The following FREM2 variants were observed in gnomAD, a reference collection of about 807,000 sequenced individuals.
The protein encoded by FREM2 is FRAS1-related extracellular matrix protein 2.
A neutral mutation model predicts 219.9 loss-of-function variants in FREM2; 119 were observed. That is an observed-to-expected ratio of 0.54 (90% confidence interval 0.47 to 0.63). FREM2 has a LOEUF of 0.63. FREM2 is among the 30% of genes least tolerant of loss of function. The probability of loss-of-function intolerance (pLI) is 0.00; values close to 1 mark genes in which losing one functional copy is unlikely to be tolerated. For missense variants in FREM2, 4,030 were observed against 3,993.6 expected, an observed-to-expected ratio of 1.01 and a Z score of -0.25; for synonymous variants, 1,562 against 1,522.8, an observed-to-expected ratio of 1.03 and a Z score of -0.60.
intron 6 of FREM2, among the ~76,000 whole-genome samples, chr13:38,796,014 C>CT (rs996149937): frequency 1.1e-4 from 17 of 150,368 alleles, no homozygotes; most frequent in Admixed American, 6.6e-5. Flanking sequence ...TTCTTTCTTT[C>CT]TTTTTTTGTC....
In FREM2 at chr13:38,857,898, A is replaced by G. The variant is rs1566168969; in HGVS notation, c.7080A>G (p.Ile2360Met). 6 of 1,613,670 alleles carry G rather than the reference A, an allele frequency of 3.7e-6. No individual in the cohort carries two copies. Among genetic ancestry groups the G allele is most frequent in the Admixed American group, 1.7e-5 (1 of 60,002 alleles). Residue 2360 changes from isoleucine to methionine, a missense_variant, in exon 13 of 24, where the codon ATA (isoleucine) becomes ATG (methionine). Physicochemically the swap from Ile to Met is conservative, Grantham distance 10. Coordinates refer to ENST00000280481, the MANE Select transcript of FREM2 (RefSeq NM_207361.6). ...AGTTGACGAAAGCCATTGTGTACATAGAAGAAATGAGCAGCATGGCAGATG... is the reference window on the plus strand; with the variant it reads ...AGTTGACGAAAGCCATTGTGTACATGGAAGAAATGAGCAGCATGGCAGATG... ...EMQLTKAIVY[I>M]EEMSSMADVT...
At chr13:38,755,054 C>A (rs890572799) in intron 2 of FREM2, among the ~76,000 whole-genome samples, 9 of 151,830 alleles carry the variant, frequency 5.9e-5, no homozygotes, top group African/African-American at 2.2e-4. Flanking sequence ...AGGCAGGCAC[C>A]ATCACACCCG....
rs563216892 is a variant in FREM2, at chr13:38,859,314, G to A, written c.7243G>A (p.Asp2415Asn). 20 of 1,614,138 alleles carry A rather than the reference G, an allele frequency of 1.2e-5. No individual in the cohort carries two copies. Among genetic ancestry groups the A allele is most frequent in the Middle Eastern group, 1.7e-4 (1 of 6,060 alleles). ...TTGCAACCCCAAATATTCAGACTAC[G>A]ATAAAACAGGCTCTATCTGTGCAAG... ...TACNPKYSDYDKTGSICASEN... is the reference protein window; with the variant it reads ...TACNPKYSDYNKTGSICASEN... The change falls in exon 14 of 24, where the codon GAT becomes AAT. Residue 2415 changes from aspartate (D) to asparagine (N), a missense_variant. This residue lies in a region of FREM2 where 928 missense variants were observed against 1,042.9 expected (regional missense o/e 0.89). Transcript: ENST00000280481.
chr13:38,882,466 G>A lies in FREM2; in HGVS notation c.*1679G>A, dbSNP rs1234651701. 1 of 152,188 alleles carries A rather than the reference G, an allele frequency of 6.6e-6. No individual in the cohort carries two copies. Among genetic ancestry groups the A allele is most frequent in the Non-Finnish European group, 1.5e-5 (1 of 68,038 alleles). The allele number at this position is 152,188 out of a possible 1,614,324, so 9.4% of individuals were successfully genotyped here. A position where few individuals can be genotyped will look rare whatever the true frequency, so the allele number is the denominator to read the frequency against. On this transcript the variant is annotated 3_prime_UTR_variant, in exon 24 of 24. Coordinates refer to ENST00000280481, the MANE Select transcript of FREM2 (RefSeq NM_207361.6). ...AGGAAGCAACACTGATACTGAGAGA[G>A]AGGTCATATGTCCAATAGTTGCCTT...
chr13:38,754,781 C>CT (rs1379983312), intron 2 of FREM2, among the ~76,000 whole-genome samples: 1 of 151,612 alleles, frequency 6.6e-6, no homozygotes, highest in Non-Finnish European at 1.5e-5. Context: ...TATGGTTTCT[C>CT]TTTTTTGTGT....
At chr13:38,739,182 A>G (rs922285039) in intron 2 of FREM2, among the ~76,000 whole-genome samples, 5 of 152,236 alleles carry the variant, frequency 3.3e-5, no homozygotes, top group Non-Finnish European at 7.3e-5. Context: ...AATCATCATC[A>G]TCATCACTAT....
Position 38,814,362 on chromosome 13 carries a change from G to C in FREM2, c.6019+29554G>C, listed in dbSNP as rs559675395. On this transcript the variant is annotated intron_variant, in intron 6 of 23. Coordinates refer to ENST00000280481, the MANE Select transcript of FREM2 (RefSeq NM_207361.6). ...TGGAAGACTTTCCAAGTATTCAAAG[G>C]CACTTGGGCCTCAAGCCCAAGACAC... 8.3e-4 allele frequency among the ~76,000 whole-genome samples: 126 copies of C among 152,306 alleles called. No homozygotes were observed. The South Asian group carries it at 0.013, about 16-fold the overall frequency.
intron 2 of FREM2, among the ~76,000 whole-genome samples, chr13:38,757,312 T>C (rs1207256430): frequency 6.6e-6 from 1 of 152,192 alleles, no homozygotes; most frequent in Non-Finnish European, 1.5e-5. Context: ...CATTGATATA[T>C]TTGTCAGCAC....
At chr13:38,748,625 T>C (rs1354142472) in intron 2 of FREM2, among the ~76,000 whole-genome samples, 2 of 152,126 alleles carry the variant, frequency 1.3e-5, no homozygotes, top group African/African-American at 2.4e-5. Context: ...TCCTTAGACT[T>C]CCTCAGTGCA....
Position 38,846,370 on chromosome 13 carries a change from C to G in FREM2, c.6020-203C>G, listed in dbSNP as rs139243336. On this transcript the variant is annotated intron_variant, in intron 6 of 23. Coordinates refer to ENST00000280481, the MANE Select transcript of FREM2 (RefSeq NM_207361.6). Reference sequence around the variant, plus strand: ...TGAGAATGTTTTATTAGGCACTTTACTGTGTGTATGTTCGATTGTAAGGAC... The same window carrying G: ...TGAGAATGTTTTATTAGGCACTTTAGTGTGTGTATGTTCGATTGTAAGGAC... 3.8e-3 allele frequency among the ~76,000 whole-genome samples: 578 copies of G among 152,184 alleles called. 5 individuals are homozygous for G. The highest frequency in any genetic ancestry group is 0.013 in the African/African-American group (558 of 41,514).
chr13:38,721,753 T>A (rs1433591443), intron 2 of FREM2, among the ~76,000 whole-genome samples: 1 of 152,218 alleles, frequency 6.6e-6, no homozygotes, highest in Non-Finnish European at 1.5e-5. Flanking sequence ...GTCAATTAAG[T>A]AATATTTACC....
At chr13:38,834,180 C>G (rs200031886) in intron 6 of FREM2, among the ~76,000 whole-genome samples, 2 of 151,978 alleles carry the variant, frequency 1.3e-5, no homozygotes, top group East Asian at 3.9e-4. Context: ...ATCCCCACCC[C>G]CCAATAGGCC....
intron 2 of FREM2, among the ~76,000 whole-genome samples, chr13:38,762,308 G>A (rs1007683966): frequency 2.0e-5 from 3 of 152,146 alleles, no homozygotes. Flanking sequence ...CTAGCCCATG[G>A]CCTCTCCTCT....
chr13:38,868,300 G>A (rs763289089), intron 16 of FREM2, among the ~76,000 whole-genome samples: 1 of 152,158 alleles, frequency 6.6e-6, no homozygotes, highest in Non-Finnish European at 1.5e-5. Context: ...CACAATGATA[G>A]TTGTAATAGC....
At chr13:38,734,424 AC>A (rs1010484652) in intron 2 of FREM2, among the ~76,000 whole-genome samples, 3 of 152,146 alleles carry the variant, frequency 2.0e-5, no homozygotes, top group African/African-American at 7.2e-5. Flanking sequence ...TAGTTAAAAG[AC>A]TTTTTCCTTA....
intron 4 of FREM2, chr13:38,779,505 T>C (rs1874029930): frequency 6.6e-6 from 1 of 152,010 alleles, no homozygotes; most frequent in South Asian, 2.1e-4. Context: ...CTGTGAAGCG[T>C]TTCGTATTTT....
At chr13:38,757,931 G>A (rs1593388837) in intron 2 of FREM2, among the ~76,000 whole-genome samples, 1 of 152,074 alleles carries the variant, frequency 6.6e-6, no homozygotes, top group Non-Finnish European at 1.5e-5. Context: ...CTCCATATTT[G>A]TTTGTGCTGC....
At chr13:38,752,955 G>A (rs1872838716) in intron 2 of FREM2, among the ~76,000 whole-genome samples, 1 of 152,320 alleles carries the variant, frequency 6.6e-6, no homozygotes, top group Non-Finnish European at 1.5e-5. Flanking sequence ...GGTTTGAACA[G>A]AGACCTGAAG....
In FREM2 at chr13:38,688,452, T is replaced by C. The variant is rs1363547113; in HGVS notation, c.1108T>C (p.Leu370=). The stretch of plus-strand genomic sequence containing the variant: ...TCCATTCCAGCCTGGCCAGGGCTAC[T>C]TGGTGAGCACCGATGATCGCAGCCT... ...TSPFQPGQGY[L]VSTDDRSLPL... Residue 370 remains leucine, a synonymous_variant, in exon 1 of 24, where the codon TTG becomes CTG. Coordinates refer to ENST00000280481, the MANE Select transcript of FREM2 (RefSeq NM_207361.6). 6.2e-7 allele frequency: 1 copy of C among 1,614,172 alleles called. No homozygotes were observed. The highest frequency in any genetic ancestry group is 1.7e-5 in the Admixed American group (1 of 60,028).
Sources: allele counts gnomAD v4.1 joint callset (sites outside exome capture counted in the v4.1 genomes callset), GRCh38; gene constraint gnomAD v4.1.1; regional missense constraint gnomAD v4.1.1; transcripts MANE v1.5; gene names NCBI Gene and HGNC (gene_info 2026-07-23, HGNC 2026-07-21).